Variants in PTPRZ1 observed in about 807,000 individuals in gnomAD.
PTPRZ1 encodes the protein protein tyrosine phosphatase receptor type Z1.
In PTPRZ1, 82 loss-of-function variants were observed where a neutral mutation model predicts 214.1. That is an observed-to-expected ratio of 0.38 (90% CI 0.32 to 0.46). The LOEUF (loss-of-function observed/expected upper bound fraction) is 0.46, where lower values mean the gene tolerates loss of function less well. Ranked by LOEUF, PTPRZ1 falls within the 20% of genes least tolerant of loss-of-function variation. The pLI, the probability that PTPRZ1 is intolerant of heterozygous loss-of-function variation, is 1.00. For synonymous variants in PTPRZ1, 945 were observed against 987.9 expected (o/e 0.96, Z 0.81); for missense variants, 2,603 against 2,748.7 (o/e 0.95, Z 1.19).
chr7:122,050,990 GTAGA>G (rs747161115), intron 23 of PTPRZ1, among the ~76,000 whole-genome samples: 1 of 152,224 alleles, frequency 6.6e-6, no homozygotes, highest in African/African-American at 2.4e-5. Flanking sequence ...TAGCTGAGGA[GTAGA>G]TAAACAGAAT....
intron 2 of PTPRZ1, among the ~76,000 whole-genome samples, chr7:121,959,157 A>G (rs1434378046): frequency 6.6e-6 from 1 of 152,174 alleles, no homozygotes; most frequent in African/African-American, 2.4e-5. Flanking sequence ...TCATAATGCT[A>G]AAAGGAATTT....
intron 25 of PTPRZ1, among the ~76,000 whole-genome samples, chr7:122,052,845 C>G (rs1382749102): frequency 6.6e-6 from 1 of 152,206 alleles, no homozygotes; most frequent in Non-Finnish European, 1.5e-5. Flanking sequence ...TTCCCACTCT[C>G]TGTGGAGTAA....
intron 1 of PTPRZ1, among the ~76,000 whole-genome samples, chr7:121,914,103 C>T (rs1795351811): frequency 6.6e-6 from 1 of 152,154 alleles, no homozygotes; most frequent in African/African-American, 2.4e-5. Flanking sequence ...CCCTTGAACC[C>T]AGGAGTTCAA....
intron 6 of PTPRZ1, among the ~76,000 whole-genome samples, chr7:121,981,782 G>A (rs1797622009): frequency 6.6e-6 from 1 of 152,068 alleles, no homozygotes; most frequent in African/African-American, 2.4e-5. Flanking sequence ...GTGTGTGTGT[G>A]TGTGTGTGTG....
chr7:121,975,547 T>C (rs1196509), intron 4 of PTPRZ1, among the ~76,000 whole-genome samples: 148,537 of 152,280 alleles, frequency 0.98, 72,504 homozygotes, highest in Non-Finnish European at 1. Flanking sequence ...CTATGCTTTA[T>C]GCTCTCAGAG....
In PTPRZ1 at chr7:121,943,340, GTATT is replaced by G. The variant is rs370036757; in HGVS notation, c.124+15129_124+15132del. Among the ~76,000 whole-genome samples the G allele has an allele frequency of 5.9e-5, 9 of 152,112 alleles. No homozygotes were observed. The East Asian group carries it at 9.7e-4, about 16-fold the overall frequency. On this transcript the variant is annotated intron_variant, in intron 2 of 29. Coordinates refer to ENST00000393386, the MANE Select transcript of PTPRZ1 (RefSeq NM_002851.3). Reference sequence around the variant, plus strand: ...CATAAGTAGTGTAGAATGTATTTATGTATTTATTTATTTTTTTGAGATGGAGTCT... The same window carrying G: ...CATAAGTAGTGTAGAATGTATTTATGTATTTATTTTTTTGAGATGGAGTCT...
Position 122,010,314 on chromosome 7 carries a change from A to C in PTPRZ1, c.1288-20A>C. On this transcript the variant is annotated intron_variant, in intron 11 of 29. Transcript: ENST00000393386. ...CTCTTATTTCCTTATGACTCATTAA[A>C]TCTTGTTTGCTTTTCAAAGGAGGAG... 1 of 1,578,982 alleles carries C rather than the reference A, an allele frequency of 6.3e-7. No individual in the cohort carries two copies.
intron 1 of PTPRZ1, 41 bp downstream of exon 1, chr7:121,873,598 G>C (rs199882679): frequency 2.5e-6 from 4 of 1,606,782 alleles, no homozygotes; most frequent in Non-Finnish European, 3.4e-6. Context: ...CTCCGGGATC[G>C]GTGGGATGAG....
At chr7:121,914,399 G>C (rs2116320158) in intron 1 of PTPRZ1, among the ~76,000 whole-genome samples, 1 of 152,238 alleles carries the variant, frequency 6.6e-6, no homozygotes, top group East Asian at 1.9e-4. Flanking sequence ...TCCCAAGTAA[G>C]CTTTATGTAT....
At chr7:121,991,965 T>C (rs534882133) in intron 8 of PTPRZ1, among the ~76,000 whole-genome samples, 1 of 152,346 alleles carries the variant, frequency 6.6e-6, no homozygotes, top group African/African-American at 2.4e-5. Flanking sequence ...ATTGTCTTAC[T>C]ACTTTTAAAA....
intron 12 of PTPRZ1, among the ~76,000 whole-genome samples, chr7:122,017,742 TA>T (rs1308517848): frequency 6.6e-6 from 1 of 151,470 alleles, no homozygotes; most frequent in African/African-American, 2.4e-5. Context: ...TTGTATTTTT[TA>T]TTTTTTTTAG....
intron 3 of PTPRZ1, among the ~76,000 whole-genome samples, chr7:121,972,132 A>G (rs1295713986): frequency 6.6e-6 from 1 of 151,858 alleles, no homozygotes; most frequent in Non-Finnish European, 1.5e-5. Flanking sequence ...TGAAAATAGG[A>G]AGGTGAGAGA....
intron 6 of PTPRZ1, among the ~76,000 whole-genome samples, chr7:121,983,370 AT>A (rs1406442366): frequency 1.3e-5 from 2 of 152,364 alleles, no homozygotes; most frequent in East Asian, 3.9e-4. Context: ...GTCTTATGAA[AT>A]GATATAACTA....
chr7:121,970,270 A>G (rs1035061108), intron 3 of PTPRZ1, among the ~76,000 whole-genome samples: 1 of 152,230 alleles, frequency 6.6e-6, no homozygotes, highest in East Asian at 1.9e-4. Context: ...ATGCATGTGC[A>G]TGTGTTTTTA....
At chr7:121,994,600 C>T (rs1798079410) in intron 8 of PTPRZ1, among the ~76,000 whole-genome samples, 2 of 152,040 alleles carry the variant, frequency 1.3e-5, no homozygotes, top group South Asian at 4.1e-4. Context: ...TTTTGGAGGA[C>T]GAAGTCTACA....
At chr7:122,004,792 A>C in intron 11 of PTPRZ1, 132 bp downstream of exon 11, 1 of 534,374 alleles carries the variant, frequency 1.9e-6, no homozygotes, top group Non-Finnish European at 3.4e-6. Flanking sequence ...GTTAGTTGCT[A>C]AGCTTTATAT....
At chr7:121,990,273 T>G (rs1371477734) in intron 8 of PTPRZ1, among the ~76,000 whole-genome samples, 2 of 152,178 alleles carry the variant, frequency 1.3e-5, no homozygotes, top group African/African-American at 2.4e-5. Flanking sequence ...GAGATTTATA[T>G]ATTCATATAA....
At chr7:121,988,575 T>C (rs1261368821) in intron 8 of PTPRZ1, among the ~76,000 whole-genome samples, 1 of 152,206 alleles carries the variant, frequency 6.6e-6, no homozygotes, top group Non-Finnish European at 1.5e-5. Context: ...GGGGTGTTTA[T>C]GTGCATGCCT....
Position 121,959,341 on chromosome 7 carries a change from A to T in PTPRZ1, c.125-8610A>T, listed in dbSNP as rs142289102. On this transcript the variant is annotated intron_variant, in intron 2 of 29. Coordinates refer to ENST00000393386, the MANE Select transcript of PTPRZ1 (RefSeq NM_002851.3). ...TGACGAAACAGGTTCTCATTCTGAAATTGTTTGCATTTGATCTGCCTTTAT... is the reference window on the plus strand; with the variant it reads ...TGACGAAACAGGTTCTCATTCTGAATTTGTTTGCATTTGATCTGCCTTTAT... Among the ~76,000 whole-genome samples the T allele has an allele frequency of 2.3e-3, 351 of 152,328 alleles. 1 individual carries two copies. The highest frequency in any genetic ancestry group is 7.9e-3 in the African/African-American group (328 of 41,588).
Sources: allele counts gnomAD v4.1 joint callset (sites outside exome capture counted in the v4.1 genomes callset), GRCh38; gene constraint gnomAD v4.1.1; transcripts MANE v1.5; gene names NCBI Gene and HGNC (gene_info 2026-07-23, HGNC 2026-07-21).